The following ADAM29 variants were observed in gnomAD, a reference collection of about 807,000 sequenced individuals.
The protein encoded by ADAM29 is disintegrin and metalloproteinase domain-containing protein 29.
For synonymous variants in ADAM29, 367 were observed against 342.3 expected, an observed-to-expected ratio of 1.07 and a Z score of -0.80; for missense variants, 969 against 1,001.8, an observed-to-expected ratio of 0.97 and a Z score of 0.44.
At position 174,942,026 on chromosome 4, in the gene ADAM29, A is replaced by G. The variant is rs144132366; in HGVS notation, c.-181+5013A>G. On this transcript the variant is annotated intron_variant, in intron 4 of 4. Transcript: ENST00000359240. ...TCCAAAACCCATAAGGGCAGTCATT[A>G]AATCTTAAACCTTTGAAATGATCTC... Among the ~76,000 whole-genome samples, 17 of 152,328 alleles carry G rather than the reference A, an allele frequency of 1.1e-4. No homozygotes were observed. In the East Asian group the frequency reaches 3.1e-3, roughly 28 times the overall value.
At chr4:174,940,703 C>T (rs760897136) in intron 4 of ADAM29, among the ~76,000 whole-genome samples, 2 of 152,038 alleles carry the variant, frequency 1.3e-5, no homozygotes, top group Non-Finnish European at 2.9e-5. Context: ...GTGGGGTCTT[C>T]TTGCTTAAAA....
chr4:174,930,695 A>C (rs575218746), intron 2 of ADAM29, among the ~76,000 whole-genome samples: 42 of 152,312 alleles, frequency 2.8e-4, no homozygotes, highest in Non-Finnish European at 5.1e-4. Context: ...TTTCTCCTAG[A>C]ATCAGAAATT....
chr4:174,932,295 A>C (rs1383014488), intron 3 of ADAM29, among the ~76,000 whole-genome samples: 2 of 146,286 alleles, frequency 1.4e-5, no homozygotes, highest in African/African-American at 5.4e-5. Context: ...CTCAAAAAAG[A>C]AGAAAAAAAA....
intron 2 of ADAM29, among the ~76,000 whole-genome samples, chr4:174,926,556 G>A (rs1743529388): frequency 6.6e-6 from 1 of 151,780 alleles, no homozygotes; most frequent in Admixed American, 6.6e-5. Flanking sequence ...TTGAGGCTAG[G>A]AGTTCGAGAC....
intron 4 of ADAM29, among the ~76,000 whole-genome samples, chr4:174,965,989 C>T (rs1197365179): frequency 6.6e-6 from 1 of 152,090 alleles, no homozygotes; most frequent in Non-Finnish European, 1.5e-5. Context: ...AGGATTGGTC[C>T]CAGGACCTCT....
chr4:174,921,472 T>C (rs1743161470), intron 2 of ADAM29, among the ~76,000 whole-genome samples: 1 of 152,118 alleles, frequency 6.6e-6, no homozygotes, highest in Non-Finnish European at 1.5e-5. Context: ...GACAAACCCA[T>C]ATGGGCATTT....
chr4:174,963,806 C>T (rs1351937777), intron 4 of ADAM29, among the ~76,000 whole-genome samples: 3 of 152,040 alleles, frequency 2.0e-5, no homozygotes, highest in Non-Finnish European at 1.5e-5. Context: ...CCTCAGCCTT[C>T]GAGTAGCTGG....
chr4:174,947,329 A>G (rs1744914054), intron 4 of ADAM29, among the ~76,000 whole-genome samples: 1 of 152,088 alleles, frequency 6.6e-6, no homozygotes. Context: ...TAGTTCCTCT[A>G]GATAACATGT....
At chr4:174,950,012 C>T (rs1188024731) in intron 4 of ADAM29, among the ~76,000 whole-genome samples, 2 of 152,100 alleles carry the variant, frequency 1.3e-5, no homozygotes. Context: ...AACCAATAAC[C>T]TATCTTGGAT....
At position 174,977,778 on chromosome 4, in the gene ADAM29, T is replaced by C. The variant is rs111234222; in HGVS notation, c.2253T>C (p.His751=). Residue 751 remains histidine, a synonymous_variant, in exon 5 of 5, where the codon CAT becomes CAC. Transcript: ENST00000359240. ...SQPPVTPSQS[H]PQVMPSQSQP... is the part of the protein sequence containing the mutation. ...CTCCTGTGACGCCTTCCCAGAGTCA[T>C]CCTCAGGTGATGCCTTCCCAGAGTC... The C allele has an allele frequency of 6.4e-7, 1 of 1,564,204 alleles. No individual in the cohort carries two copies. Among genetic ancestry groups the C allele is most frequent in the South Asian group, 1.1e-5 (1 of 89,088 alleles).
chr4:174,978,161 T>TA lies in ADAM29; in HGVS notation c.*180dup. The TA allele has an allele frequency of 3.8e-6, 4 of 1,044,326 alleles. No homozygotes were observed. Among genetic ancestry groups the TA allele is most frequent in the East Asian group, 4.9e-5 (2 of 41,208 alleles). The allele number at this position is 1,044,326 out of a possible 1,614,324, so 64.7% of individuals were successfully genotyped here. On this transcript the variant is annotated 3_prime_UTR_variant, in exon 5 of 5. Transcript: ENST00000359240. ...AAAACTGTATCCAGAAAAGGTACAT[T>TA]AAAAAAATAATTCCTAGTATGTTTC...
At chr4:174,973,399 T>A (rs1181641239) in intron 4 of ADAM29, among the ~76,000 whole-genome samples, 1 of 152,210 alleles carries the variant, frequency 6.6e-6, no homozygotes, top group Non-Finnish European at 1.5e-5. Flanking sequence ...CTACCAACTT[T>A]GGTAACTCTG....
chr4:174,975,058 G>A (rs1234941900), intron 4 of ADAM29, among the ~76,000 whole-genome samples: 1 of 152,036 alleles, frequency 6.6e-6, no homozygotes, highest in Non-Finnish European at 1.5e-5. Flanking sequence ...GGAAATATTT[G>A]CAAATAATTA....
intron 2 of ADAM29, among the ~76,000 whole-genome samples, chr4:174,929,976 T>G (rs1320284675): frequency 6.6e-6 from 1 of 152,258 alleles, no homozygotes; most frequent in East Asian, 1.9e-4. Context: ...TCGCCCAGGC[T>G]GGAGTGCAGT....
At chr4:174,954,582 A>G (rs1745385742) in intron 4 of ADAM29, among the ~76,000 whole-genome samples, 1 of 152,142 alleles carries the variant, frequency 6.6e-6, no homozygotes. Flanking sequence ...ACGGTTATTG[A>G]AATTGTAAGG....
intron 4 of ADAM29, among the ~76,000 whole-genome samples, chr4:174,945,639 GTAAT>G (rs1744803416): frequency 6.6e-6 from 1 of 152,112 alleles, no homozygotes; most frequent in African/African-American, 2.4e-5. Flanking sequence ...TTACATTTAA[GTAAT>G]TAGTTTATCT....
In ADAM29 at chr4:174,943,905, T is replaced by G. The variant is rs186817994; in HGVS notation, c.-181+6892T>G. Among the ~76,000 whole-genome samples, 126 of 152,198 alleles carry G rather than the reference T, an allele frequency of 8.3e-4. 5 individuals are homozygous for G. The East Asian group carries it at 0.02, about 24-fold the overall frequency. Reference sequence around the variant, plus strand: ...ACTCATTTTATGAGAAATTATTCAATGGTTACATTAAAAGTAAGCATGTCA... The same window carrying G: ...ACTCATTTTATGAGAAATTATTCAAGGGTTACATTAAAAGTAAGCATGTCA... On this transcript the variant is annotated intron_variant, in intron 4 of 4. Transcript: ENST00000359240.
At chr4:174,924,821 C>T (rs1743401814) in intron 2 of ADAM29, among the ~76,000 whole-genome samples, 1 of 152,168 alleles carries the variant, frequency 6.6e-6, no homozygotes, top group Non-Finnish European at 1.5e-5. Context: ...TTCTCCACTT[C>T]TTCCATGTGG....
intron 4 of ADAM29, among the ~76,000 whole-genome samples, chr4:174,950,907 T>C (rs1407920848): frequency 6.6e-6 from 1 of 152,144 alleles, no homozygotes; most frequent in African/African-American, 2.4e-5. Flanking sequence ...TGTCTCTCTC[T>C]CCTGCTCCCC....
Sources: gnomAD v4.1 joint callset for allele counts (sites outside exome capture counted in the v4.1 genomes callset) on GRCh38, gnomAD v4.1.1 for gene constraint, MANE v1.5 for transcripts, NCBI Gene and HGNC (gene_info 2026-07-23, HGNC 2026-07-21) for gene names.